FADS2: variants seen among roughly 807,000 people sequenced by gnomAD.
FADS2 encodes acyl-CoA 6-desaturase.
Under a neutral mutation model 61.2 loss-of-function variants are expected in FADS2, and 18 were observed. The ratio of observed to expected loss-of-function variants is 0.29; its 90% confidence interval spans 0.20 to 0.44. FADS2 has a LOEUF of 0.44. Among genes scored for constraint, FADS2 ranks in the 20% least tolerant of loss-of-function variants. The pLI is 1.00. For synonymous variants in FADS2, 203 were observed against 223.9 expected, an observed-to-expected ratio of 0.91 and a Z score of 0.83; for missense variants, 322 against 572.7, an observed-to-expected ratio of 0.56 and a Z score of 4.47.
intron 2 of FADS2, 126 bp downstream of exon 2, chr11:61,838,014 G>A (rs2067188762): frequency 5.7e-6 from 4 of 701,480 alleles, no homozygotes; most frequent in African/African-American, 1.8e-5. Flanking sequence ...TTGTCCTGGA[G>A]GAGCCACTGT....
In FADS2 at chr11:61,862,965, C is replaced by T. The variant is rs1166147618; in HGVS notation, c.883-7C>T. 2.5e-6 allele frequency: 4 copies of T among 1,613,438 alleles called. No homozygotes were observed. Among genetic ancestry groups the T allele is most frequent in the Non-Finnish European group, 3.4e-6 (4 of 1,179,446 alleles). ...CAGGTTGCACCTAACTTCATCTTTCCCCGCAGGACCTGGCCTGGGCCGTCA... is the reference window on the plus strand; with the variant it reads ...CAGGTTGCACCTAACTTCATCTTTCTCCGCAGGACCTGGCCTGGGCCGTCA... On this transcript the variant is annotated splice_region_variant and splice_polypyrimidine_tract_variant and intron_variant, in intron 7 of 11. Coordinates refer to ENST00000278840, the MANE Select transcript of FADS2 (RefSeq NM_004265.4).
chr11:61,824,441 AGGGAGGGAG>A (rs1565325198), upstream of FADS2, among the ~76,000 whole-genome samples: 2 of 3,550 alleles, frequency 5.6e-4, no homozygotes, highest in Non-Finnish European at 1.3e-3. Flanking sequence ...AGAGGGAGGG[AGGGAGGGAG>A]GGAGGGAGGG....
At chr11:61,845,716 G>A (rs1301670759) in intron 4 of FADS2, among the ~76,000 whole-genome samples, 1 of 151,126 alleles carries the variant, frequency 6.6e-6, no homozygotes, top group East Asian at 1.9e-4. Flanking sequence ...CCTGGGAGGC[G>A]GAGGTTGCAG....
At chr11:61,816,204 T>A, upstream of FADS2, 1 of 1,549,958 alleles carries the variant, frequency 6.5e-7, no homozygotes, top group Non-Finnish European at 8.7e-7. The surrounding 1 kb of genome is among the most constrained non-coding windows in gnomAD (Gnocchi z 7.0). Context: ...GCGGCCTGCA[T>A]CCTTGCTCTC....
intron 1 of FADS2, among the ~76,000 whole-genome samples, chr11:61,817,383 G>A (rs956309423): frequency 6.6e-6 from 1 of 152,216 alleles, no homozygotes; most frequent in South Asian, 2.1e-4. Flanking sequence ...CAGCCTGAGA[G>A]CCCTTGAAAG....
upstream of FADS2, chr11:61,828,006 C>G: frequency 1.0e-5 from 11 of 1,105,424 alleles, no homozygotes; most frequent in Non-Finnish European, 1.2e-5. The surrounding 1 kb of genome is among the most constrained non-coding windows in gnomAD (Gnocchi z 6.4). Flanking sequence ...TGTGGAAACT[C>G]GGGCGGCGGG....
upstream of FADS2, among the ~76,000 whole-genome samples, chr11:61,824,124 G>A (rs2067051175): frequency 6.6e-6 from 1 of 151,546 alleles, no homozygotes; most frequent in South Asian, 2.1e-4. Flanking sequence ...GCTTATGCCT[G>A]TAATCCCAGC....
At chr11:61,861,371 A>AAAAAAAAAAAAACC (rs1555078396) in intron 7 of FADS2, among the ~76,000 whole-genome samples, 1 of 106,458 alleles carries the variant, frequency 9.4e-6, no homozygotes, top group Non-Finnish European at 2.2e-5. Context: ...AAAAAAAAAA[A>AAAAAAAAAAAAACC]CAGAAATTAG....
upstream of FADS2, among the ~76,000 whole-genome samples, chr11:61,824,433 AGGGAGGGAG>A (rs1565325170): frequency 1.6e-4 from 1 of 6,222 alleles, no homozygotes; most frequent in African/African-American, 5.2e-4. Context: ...AGAGAGAGAG[AGGGAGGGAG>A]GGAGGGAGGG....
intron 1 of FADS2, among the ~76,000 whole-genome samples, chr11:61,832,522 G>A (rs779999582): frequency 1.6e-4 from 24 of 152,350 alleles, no homozygotes; most frequent in Non-Finnish European, 2.1e-4. Context: ...GTAGGGGCCT[G>A]TCTCCTGTGC....
chr11:61,841,632 T>C (rs2135962631), intron 4 of FADS2, among the ~76,000 whole-genome samples: 1 of 152,272 alleles, frequency 6.6e-6, no homozygotes, highest in South Asian at 2.1e-4. Context: ...CAACTATCTT[T>C]AGTCTGTGTT....
At chr11:61,861,385 C>T (rs1403102657) in intron 7 of FADS2, among the ~76,000 whole-genome samples, 1 of 103,618 alleles carries the variant, frequency 9.7e-6, no homozygotes, top group Non-Finnish European at 2.0e-5. Flanking sequence ...AAATTAGCTA[C>T]TCGGGAGGCT....
At chr11:61,825,055 G>T (rs2067072243), upstream of FADS2, among the ~76,000 whole-genome samples, 1 of 151,938 alleles carries the variant, frequency 6.6e-6, no homozygotes, top group Non-Finnish European at 1.5e-5. Context: ...TCTGGGCATG[G>T]TGCCACCCAC....
At chr11:61,834,675 A>C (rs1044278186) in intron 1 of FADS2, among the ~76,000 whole-genome samples, 1 of 152,186 alleles carries the variant, frequency 6.6e-6, no homozygotes, top group Admixed American at 6.5e-5. Flanking sequence ...TCAATGAGAC[A>C]AGAGGAATCC....
chr11:61,828,622 C>A lies in FADS2; in HGVS notation c.207+25C>A, dbSNP rs2067102391. 1 of 1,595,824 alleles carries A rather than the reference C, an allele frequency of 6.3e-7. No individual in the cohort carries two copies. Among genetic ancestry groups the A allele is most frequent in the East Asian group, 2.2e-5 (1 of 44,470 alleles). ...GGTAAGGGTCTGGGGGCGCCCCAGCCACCCTTCTCTGCTGCAGGCGGAGTC... is the reference window on the plus strand; with the variant it reads ...GGTAAGGGTCTGGGGGCGCCCCAGCAACCCTTCTCTGCTGCAGGCGGAGTC... On this transcript the variant is annotated intron_variant, in intron 1 of 11. Coordinates refer to ENST00000278840, the MANE Select transcript of FADS2 (RefSeq NM_004265.4). This position sits in a 1 kb window ranked among gnomAD's most constrained non-coding sequence, Gnocchi z 6.4.
intron 5 of FADS2, among the ~76,000 whole-genome samples, chr11:61,850,744 A>G (rs938030375): frequency 3.3e-5 from 5 of 152,178 alleles, no homozygotes; most frequent in Non-Finnish European, 5.9e-5. Flanking sequence ...GCTTTTATGC[A>G]GATCTTAGGA....
chr11:61,835,468 A>C (rs1202089045), intron 1 of FADS2, among the ~76,000 whole-genome samples: 1 of 148,004 alleles, frequency 6.8e-6, no homozygotes, highest in Non-Finnish European at 1.5e-5. Context: ...ATCTCAGCTC[A>C]CTGCAACCTT....
In FADS2 at chr11:61,816,771, G is replaced by A. The variant is rs983238070; in HGVS notation, c.141+345G>A. The A allele has an allele frequency of 3.9e-6, 6 of 1,526,598 alleles. No homozygotes were observed. The highest frequency in any genetic ancestry group is 3.5e-6 in the Non-Finnish European group (4 of 1,141,230). The allele number at this position is 1,526,598 out of a possible 1,614,324, so 94.6% of individuals were successfully genotyped here. On this transcript the variant is annotated intron_variant, in intron 1 of 11. Transcript: ENST00000257261. This position sits in a 1 kb window ranked among gnomAD's most constrained non-coding sequence, Gnocchi z 7.0. The stretch of plus-strand genomic sequence containing the variant: ...GGTCGGGGGCCATAGCTGGCCTGGC[G>A]ACGCCGCGCGCCGGGCCAGCAGGGG...
At chr11:61,861,353 CAAA>C (rs58136105) in intron 7 of FADS2, among the ~76,000 whole-genome samples, 1 of 29,748 alleles carries the variant, frequency 3.4e-5, no homozygotes. Flanking sequence ...GACTCCCTCT[CAAA>C]AAAAAAAAAA....
Sources: allele counts gnomAD v4.1 joint callset (sites outside exome capture counted in the v4.1 genomes callset), GRCh38; gene constraint gnomAD v4.1.1; non-coding constraint Gnocchi (gnomAD v3.1); transcripts MANE v1.5; gene names NCBI Gene and HGNC (gene_info 2026-07-23, HGNC 2026-07-21).